The following SOX14 variants were observed in gnomAD, a reference collection of about 807,000 sequenced individuals.
SOX14 encodes SRY-box transcription factor 14.
In SOX14, 5 loss-of-function variants were observed where a neutral mutation model predicts 14.8. The ratio of observed to expected loss-of-function variants is 0.34; its 90% CI spans 0.18 to 0.71. The LOEUF is 0.71. Among genes scored for constraint, SOX14 ranks in the 30% least tolerant of loss-of-function variants. SOX14 has a pLI of 0.64. For synonymous variants in SOX14, 164 were observed against 146.3 expected, an observed-to-expected ratio of 1.12 and a Z score of -0.87; for missense variants, 270 against 329.7, an observed-to-expected ratio of 0.82 and a Z score of 1.40.
Position 137,765,639 on chromosome 3 carries a change from C to A in SOX14, c.*132C>A. 8.3e-7 allele frequency: 1 copy of A among 1,207,394 alleles called. No homozygotes were observed. The highest frequency in any genetic ancestry group is 1.8e-5 in the South Asian group (1 of 54,860). The allele number at this position is 1,207,394 out of a possible 1,614,324, so 74.8% of individuals were successfully genotyped here. A position where few individuals can be genotyped will look rare whatever the true frequency, so the allele number is the denominator to read the frequency against. ...TGTCCCTTACACCACCCAGACTTTT[C>A]CTCTCTCTTCCAGGGGGAAGGGTGG... On this transcript the variant is annotated 3_prime_UTR_variant, in exon 1 of 1. Transcript: ENST00000306087.
chr3:137,764,625 T>C lies in SOX14; in HGVS notation c.-160T>C. The C allele has an allele frequency of 1.3e-6, 1 of 787,648 alleles. No individual in the cohort carries two copies. The highest frequency in any genetic ancestry group is 1.9e-6 in the Non-Finnish European group (1 of 535,192). The allele number at this position is 787,648 out of a possible 1,614,324, so 48.8% of individuals were successfully genotyped here. ...TGGGACTGGCATGATCAGCTGAACT[T>C]TGTGGGGTCAGCGCTTCTCTCTGGC... On this transcript the variant is annotated 5_prime_UTR_variant, in exon 1 of 1. Coordinates refer to ENST00000306087, the MANE Select transcript of SOX14 (RefSeq NM_004189.4).
At position 137,764,759 on chromosome 3, in the gene SOX14, C is replaced by T. The variant is rs1213166328; in HGVS notation, c.-26C>T. 6 of 1,610,892 alleles carry T rather than the reference C, an allele frequency of 3.7e-6. No individual in the cohort carries two copies. The highest frequency in any genetic ancestry group is 2.2e-5 in the East Asian group (1 of 44,862). ...GTCTGCAGAACCCTTGCACTCCCTA[C>T]CCCCACCCACCTAGCCGCCGGGACC... On this transcript the variant is annotated 5_prime_UTR_variant, in exon 1 of 1. Transcript: ENST00000306087.
chr3:137,765,785 C>T lies in SOX14; in HGVS notation c.*278C>T. ...AATCTCCGACTGTACCCCCTTTGGA[C>T]AAAAAAGTAGGCAGTTTTGCTTTAT... On this transcript the variant is annotated 3_prime_UTR_variant, in exon 1 of 1. Coordinates refer to ENST00000306087, the MANE Select transcript of SOX14 (RefSeq NM_004189.4). 2 of 404,742 alleles carry T rather than the reference C, an allele frequency of 4.9e-6. No individual in the cohort carries two copies. The highest frequency in any genetic ancestry group is 8.7e-6 in the Non-Finnish European group (2 of 230,354). The allele number at this position is 404,742 out of a possible 1,614,324, so 25.1% of individuals were successfully genotyped here. A position where few individuals can be genotyped will look rare whatever the true frequency, so the allele number is the denominator to read the frequency against.
rs375889281 is a variant in SOX14 at position 137,764,713 on chromosome 3, C to G, written c.-72C>G. The G allele has an allele frequency of 6.7e-5, 104 of 1,553,582 alleles. No individual in the cohort carries two copies. The East Asian group carries it at 1.3e-3, about 20-fold the overall frequency. ...CCCCGGCTCAGGACGGACAGACAGA[C>G]GGCCAGCCGCGCCCAGGCTCGTCTG... On this transcript the variant is annotated 5_prime_UTR_variant, in exon 1 of 1. Coordinates refer to ENST00000306087, the MANE Select transcript of SOX14 (RefSeq NM_004189.4).
At position 137,765,105 on chromosome 3, in the gene SOX14, G is replaced by A; in HGVS notation, c.321G>A (p.Ala107=). The A allele has an allele frequency of 6.2e-7, 1 of 1,613,476 alleles. No homozygotes were observed. The highest frequency in any genetic ancestry group is 1.1e-5 in the South Asian group (1 of 91,042). Residue 107 remains alanine (A), a synonymous_variant, in exon 1 of 1, where the codon GCG becomes GCA. Coordinates refer to ENST00000306087, the MANE Select transcript of SOX14 (RefSeq NM_004189.4). ...PYLGDTDPLK[A]AGLPVGASDG... ...TGGGCGACACGGACCCGCTCAAGGC[G>A]GCTGGCCTGCCCGTGGGGGCCTCCG...
chr3:137,765,111 C>G lies in SOX14; in HGVS notation c.327C>G (p.Gly109=). ...ACACGGACCCGCTCAAGGCGGCTGG[C>G]CTGCCCGTGGGGGCCTCCGACGGCC... is the stretch of plus-strand genomic sequence containing the variant. ...LGDTDPLKAA[G]LPVGASDGLL... The change falls in exon 1 of 1, where the codon GGC becomes GGG. Residue 109 remains glycine (G), a synonymous_variant. Coordinates refer to ENST00000306087, the MANE Select transcript of SOX14 (RefSeq NM_004189.4). The G allele has an allele frequency of 6.2e-7, 1 of 1,613,246 alleles. No homozygotes were observed. Among genetic ancestry groups the G allele is most frequent in the Non-Finnish European group, 8.5e-7 (1 of 1,179,474 alleles).
At position 137,765,637 on chromosome 3, in the gene SOX14, T is replaced by G. The variant is rs1472138008; in HGVS notation, c.*130T>G. ...GCTGTCCCTTACACCACCCAGACTT[T>G]TCCTCTCTCTTCCAGGGGGAAGGGT... On this transcript the variant is annotated 3_prime_UTR_variant, in exon 1 of 1. Coordinates refer to ENST00000306087, the MANE Select transcript of SOX14 (RefSeq NM_004189.4). 2.5e-6 allele frequency: 3 copies of G among 1,202,026 alleles called. No individual in the cohort carries two copies. Among genetic ancestry groups the G allele is most frequent in the Non-Finnish European group, 3.4e-6 (3 of 887,004 alleles). 74.5% of individuals were successfully genotyped at this position (1,202,026 alleles called of 1,614,324 possible).
chr3:137,764,855 G>A lies in SOX14; in HGVS notation c.71G>A (p.Arg24His), dbSNP rs757336135. The A allele has an allele frequency of 1.2e-6, 2 of 1,614,182 alleles. No individual in the cohort carries two copies. Among genetic ancestry groups the A allele is most frequent in the Non-Finnish European group, 1.7e-6 (2 of 1,180,044 alleles). Residue 24 changes from arginine to histidine, a missense_variant, in exon 1 of 1, where the codon CGC becomes CAC. Arg to His is a conservative substitution (Grantham distance 29). Around this residue, in one of 2 missense-constraint regions of SOX14, gnomAD observed 63 missense variants for 118.8 expected, o/e 0.53. Coordinates refer to ENST00000306087, the MANE Select transcript of SOX14 (RefSeq NM_004189.4). ...ATGGTATGGTCCCGGGGCCAGCGGCGCAAGATGGCCCAGGAAAACCCCAAG... is the reference window on the plus strand; with the variant it reads ...ATGGTATGGTCCCGGGGCCAGCGGCACAAGATGGCCCAGGAAAACCCCAAG... ...AFMVWSRGQR[R>H]KMAQENPKMH...
Position 137,765,429 on chromosome 3 carries a change from C to T in SOX14, c.645C>T (p.Pro215=). 3 of 1,613,914 alleles carry T rather than the reference C, an allele frequency of 1.9e-6. No homozygotes were observed. Among genetic ancestry groups the T allele is most frequent in the Non-Finnish European group, 2.5e-6 (3 of 1,179,976 alleles). ...TAWSASTLQP[P]VAYILFPGMT... Reference sequence around the variant, plus strand: ...GGTCTGCCTCCACCCTGCAGCCCCCCGTCGCCTACATCCTCTTCCCAGGCA... The same window carrying T: ...GGTCTGCCTCCACCCTGCAGCCCCCTGTCGCCTACATCCTCTTCCCAGGCA... The change falls in exon 1 of 1, where the codon CCC becomes CCT. Residue 215 remains proline (P), a synonymous_variant. Coordinates refer to ENST00000306087, the MANE Select transcript of SOX14 (RefSeq NM_004189.4).
Position 137,765,449 on chromosome 3 carries a change from C to A in SOX14, c.665C>A (p.Pro222Gln). The A allele has an allele frequency of 6.2e-7, 1 of 1,613,582 alleles. No homozygotes were observed. Among genetic ancestry groups the A allele is most frequent in the South Asian group, 1.1e-5 (1 of 91,018 alleles). Reference protein sequence around the residue: ...LQPPVAYILFPGMTKTGIDPY... With the variant: ...LQPPVAYILFQGMTKTGIDPY... ...CCCCCCGTCGCCTACATCCTCTTCC[C>A]AGGCATGACCAAGACTGGCATAGAC... Residue 222 changes from proline (P) to glutamine (Q), a missense_variant, in exon 1 of 1, where the codon CCA becomes CAA. Pro to Gln is a moderately conservative substitution (Grantham distance 76, BLOSUM62 -1). This residue lies in a region of SOX14 where 207 missense variants were observed against 210.9 expected (regional missense o/e 0.98). Transcript: ENST00000306087.
chr3:137,764,593 T>A lies in SOX14; in HGVS notation c.-192T>A. 39 of 216,114 alleles carry A rather than the reference T, an allele frequency of 1.8e-4. No individual in the cohort carries two copies. Among genetic ancestry groups the A allele is most frequent in the Middle Eastern group, 4.1e-3 (2 of 482 alleles). 13.4% of individuals were successfully genotyped at this position (216,114 alleles called of 1,614,324 possible). A position where few individuals can be genotyped will look rare whatever the true frequency, so the allele number is the denominator to read the frequency against. ...CCCCACTCGCTCCCCCGGGGCTGCCTGGGCGCTGGGACTGGCATGATCAGC... is the reference window on the plus strand; with the variant it reads ...CCCCACTCGCTCCCCCGGGGCTGCCAGGGCGCTGGGACTGGCATGATCAGC... On this transcript the variant is annotated 5_prime_UTR_variant, in exon 1 of 1. Coordinates refer to ENST00000306087, the MANE Select transcript of SOX14 (RefSeq NM_004189.4).
rs1324155889 is a variant in SOX14 at position 137,765,512 on chromosome 3, C to T, written c.*5C>T. 1.3e-6 allele frequency: 2 copies of T among 1,589,462 alleles called. No individual in the cohort carries two copies. The highest frequency in any genetic ancestry group is 1.7e-6 in the Non-Finnish European group (2 of 1,165,906). On this transcript the variant is annotated 3_prime_UTR_variant, in exon 1 of 1. Transcript: ENST00000306087. ...GCCCACGCTACGGCCATGTAACCCC[C>T]AGCCCGGCCCGGACCTGAGGCGTGG... is the stretch of plus-strand genomic sequence containing the variant.
chr3:137,765,120 G>T lies in SOX14; in HGVS notation c.336G>T (p.Val112=), dbSNP rs768360928. 6 of 1,612,994 alleles carry T rather than the reference G, an allele frequency of 3.7e-6. No homozygotes were observed. The South Asian group carries it at 5.5e-5, about 15-fold the overall frequency. The change falls in exon 1 of 1, where the codon GTG becomes GTT. Residue 112 remains valine, a synonymous_variant. Transcript: ENST00000306087. ...CGCTCAAGGCGGCTGGCCTGCCCGT[G>T]GGGGCCTCCGACGGCCTCCTGAGCG... ...TDPLKAAGLP[V]GASDGLLSAP... is the part of the protein sequence containing the mutation.
chr3:137,765,385 C>T lies in SOX14; in HGVS notation c.601C>T (p.Pro201Ser). The T allele has an allele frequency of 6.2e-7, 1 of 1,612,936 alleles. No individual in the cohort carries two copies. The highest frequency in any genetic ancestry group is 8.5e-7 in the Non-Finnish European group (1 of 1,179,602). The change falls in exon 1 of 1, where the codon CCC becomes TCC. Residue 201 changes from proline to serine, a missense_variant. By Grantham distance (74) the Pro-to-Ser change is moderately conservative. Around this residue, in one of 2 missense-constraint regions of SOX14, gnomAD observed 207 missense variants for 210.9 expected, o/e 0.98. Transcript: ENST00000306087. Reference protein sequence around the residue: ...PSPTNPGYVVPCNCTAWSAST... With the variant: ...PSPTNPGYVVSCNCTAWSAST... ...CCCCACCAACCCTGGCTACGTGGTGCCCTGTAACTGTACCGCCTGGTCTGC... is the reference window on the plus strand; with the variant it reads ...CCCCACCAACCCTGGCTACGTGGTGTCCTGTAACTGTACCGCCTGGTCTGC...
In SOX14 at chr3:137,765,060, T is replaced by C. The variant is rs750615183; in HGVS notation, c.276T>C (p.Tyr92=). The change falls in exon 1 of 1, where the codon TAT becomes TAC. Residue 92 remains tyrosine (Y), a synonymous_variant. Transcript: ENST00000306087. ...KPKNLLKKDR[Y]VFPLPYLGDT... is the part of the protein sequence containing the mutation. ...AGAACCTGCTCAAGAAGGACAGGTA[T>C]GTCTTCCCCTTGCCCTACCTGGGCG... is the stretch of plus-strand genomic sequence containing the variant. The C allele has an allele frequency of 9.3e-6, 15 of 1,614,114 alleles. No individual in the cohort carries two copies.
chr3:137,765,165 C>G lies in SOX14; in HGVS notation c.381C>G (p.Ala127=). 1 of 1,612,970 alleles carries G rather than the reference C, an allele frequency of 6.2e-7. No individual in the cohort carries two copies. The highest frequency in any genetic ancestry group is 1.1e-5 in the South Asian group (1 of 91,034). ...GLLSAPEKAR[A]FLPPASAPYS... is the part of the protein sequence containing the mutation. The stretch of plus-strand genomic sequence containing the variant: ...TGAGCGCGCCCGAGAAAGCCCGGGC[C>G]TTCTTGCCGCCGGCCTCGGCGCCCT... Residue 127 remains alanine, a synonymous_variant, in exon 1 of 1, where the codon GCC becomes GCG. Transcript: ENST00000306087.
Position 137,765,698 on chromosome 3 carries a change from C to G in SOX14, c.*191C>G. 1 of 665,520 alleles carries G rather than the reference C, an allele frequency of 1.5e-6. No homozygotes were observed. Among genetic ancestry groups the G allele is most frequent in the Non-Finnish European group, 2.4e-6 (1 of 421,908 alleles). The allele number at this position is 665,520 out of a possible 1,614,324, so 41.2% of individuals were successfully genotyped here. On this transcript the variant is annotated 3_prime_UTR_variant, in exon 1 of 1. Coordinates refer to ENST00000306087, the MANE Select transcript of SOX14 (RefSeq NM_004189.4). ...CCCGGACCCAAGGCGCAGACAGGTA[C>G]CGGAAACTTGCAAACGTTATGTCAG...
At position 137,765,132 on chromosome 3, in the gene SOX14, C is replaced by A; in HGVS notation, c.348C>A (p.Asp116Glu). 1 of 1,612,820 alleles carries A rather than the reference C, an allele frequency of 6.2e-7. No individual in the cohort carries two copies. Among genetic ancestry groups the A allele is most frequent in the Non-Finnish European group, 8.5e-7 (1 of 1,179,296 alleles). The change falls in exon 1 of 1, where the codon GAC becomes GAA. Residue 116 changes from aspartate to glutamate, a missense_variant. Asp to Glu is a conservative substitution (Grantham distance 45). Coordinates refer to ENST00000306087, the MANE Select transcript of SOX14 (RefSeq NM_004189.4). ...KAAGLPVGAS[D>E]GLLSAPEKAR... is the part of the protein sequence containing the mutation. Reference sequence around the variant, plus strand: ...CTGGCCTGCCCGTGGGGGCCTCCGACGGCCTCCTGAGCGCGCCCGAGAAAG... The same window carrying A: ...CTGGCCTGCCCGTGGGGGCCTCCGAAGGCCTCCTGAGCGCGCCCGAGAAAG...
At position 137,766,175 on chromosome 3, in the gene SOX14, T is replaced by C. The variant is rs1410376145; in HGVS notation, c.*668T>C. 1 of 152,218 alleles carries C rather than the reference T, an allele frequency of 6.6e-6. No individual in the cohort carries two copies. The highest frequency in any genetic ancestry group is 6.5e-5 in the Admixed American group (1 of 15,276). 9.4% of individuals were successfully genotyped at this position (152,218 alleles called of 1,614,324 possible). A position where few individuals can be genotyped will look rare whatever the true frequency, so the allele number is the denominator to read the frequency against. On this transcript the variant is annotated 3_prime_UTR_variant, in exon 1 of 1. Transcript: ENST00000306087. ...AATGTCGGGTTATGAAGTCAGGAAG[T>C]AGAAGGTGAACAAAAAATTAAAAGA...
Sources: gnomAD v4.1 joint callset for allele counts on GRCh38, gnomAD v4.1.1 for gene constraint, gnomAD v4.1.1 regional missense constraint, MANE v1.5 for transcripts, NCBI Gene and HGNC (gene_info 2026-07-23, HGNC 2026-07-21) for gene names.